Variants in COL4A6 observed in about 807,000 individuals in gnomAD.
COL4A6 encodes the protein collagen type IV alpha 6 chain.
COL4A6 carries 59 observed loss-of-function variants against 126.7 expected under a neutral mutation model. That is an observed-to-expected ratio of 0.47 (90% CI 0.38 to 0.58). COL4A6 has a LOEUF of 0.58. Ranked by LOEUF, COL4A6 falls within the 20% of genes least tolerant of loss-of-function variation. COL4A6 has a pLI of 0.00. For synonymous variants in COL4A6, 547 were observed against 496.6 expected (o/e 1.10, Z -1.35); for missense variants, 1,285 against 1,337.3 (o/e 0.96, Z 0.61).
chrX:108,337,821 C>G (rs2039467399), intron 2 of COL4A6, among the ~76,000 whole-genome samples: 1 of 111,996 alleles, frequency 8.9e-6, no homozygotes, highest in Admixed American at 9.5e-5. Flanking sequence ...CCTAAGGAAA[C>G]AGTTTATTCA....
intron 2 of COL4A6, among the ~76,000 whole-genome samples, chrX:108,318,698 C>G (rs1029116541): frequency 3.6e-5 from 4 of 112,224 alleles, no homozygotes; most frequent in African/African-American, 1.3e-4. Flanking sequence ...AGGAGAACTA[C>G]AAACCACTGC....
chrX:108,295,277 A>C (rs1325964843), intron 3 of COL4A6, among the ~76,000 whole-genome samples: 2 of 111,849 alleles, frequency 1.8e-5, no homozygotes, highest in African/African-American at 6.5e-5. Flanking sequence ...AATGAATTGC[A>C]ACTTCCCCCT....
chrX:108,353,825 A>G (rs1369329144), intron 2 of COL4A6, among the ~76,000 whole-genome samples: 1 of 112,433 alleles, frequency 8.9e-6, no homozygotes, highest in Non-Finnish European at 1.9e-5. Context: ...GATTTTATTC[A>G]ACTGACAAGG....
chrX:108,182,354 C>A (rs908243770), intron 23 of COL4A6, among the ~76,000 whole-genome samples: 1 of 112,170 alleles, frequency 8.9e-6, no homozygotes, highest in African/African-American at 3.2e-5. Context: ...AGAGCTCCTG[C>A]AAGGCCATCC....
At chrX:108,375,702 G>C (rs1220186093) in intron 2 of COL4A6, among the ~76,000 whole-genome samples, 1 of 85,266 alleles carries the variant, frequency 1.2e-5, no homozygotes, top group Non-Finnish European at 2.3e-5. Context: ...TTTTCTATGT[G>C]TCTCTTTCTC....
At chrX:108,394,399 A>G (rs2040916743) in intron 2 of COL4A6, among the ~76,000 whole-genome samples, 1 of 110,757 alleles carries the variant, frequency 9.0e-6, no homozygotes, top group Non-Finnish European at 1.9e-5. Context: ...CATTCTGCAC[A>G]TGTACCCCAG....
At chrX:108,310,510 ACT>A (rs1227768795) in intron 3 of COL4A6, among the ~76,000 whole-genome samples, 1 of 111,731 alleles carries the variant, frequency 9.0e-6, no homozygotes, top group Non-Finnish European at 1.9e-5. Context: ...TCCAGATGAA[ACT>A]CTGAGGAAAC....
intron 8 of COL4A6, among the ~76,000 whole-genome samples, chrX:108,208,328 A>T (rs897325037): frequency 8.9e-6 from 1 of 112,205 alleles, no homozygotes. Context: ...AATATCCATT[A>T]CCTTGACCTA....
intron 2 of COL4A6, among the ~76,000 whole-genome samples, chrX:108,348,704 T>TG (rs1271578227): frequency 1.8e-5 from 2 of 111,451 alleles, no homozygotes; most frequent in East Asian, 2.8e-4. Context: ...ATATATCCTT[T>TG]GGGGGGGAAA....
intron 6 of COL4A6, 40 bp downstream of exon 6, chrX:108,214,071 CA>C: frequency 1.8e-6 from 2 of 1,111,603 alleles, no homozygotes; most frequent in Non-Finnish European, 1.2e-6. Context: ...TAGAGACAAG[CA>C]AAGCCATTTG....
At chrX:108,230,428 G>C (rs184184998) in intron 3 of COL4A6, among the ~76,000 whole-genome samples, 19 of 111,752 alleles carry the variant, frequency 1.7e-4, no homozygotes, top group African/African-American at 5.5e-4. Context: ...CTTTTGAGAA[G>C]GGGGAGCAGA....
intron 2 of COL4A6, among the ~76,000 whole-genome samples, chrX:108,387,349 A>G (rs1032039775): frequency 8.9e-6 from 1 of 112,242 alleles, no homozygotes; most frequent in Non-Finnish European, 1.9e-5. Flanking sequence ...ATCCATGAAC[A>G]TGGAATGTTT....
At chrX:108,164,795 C>T in intron 39 of COL4A6, 82 bp downstream of exon 39, 1 of 1,183,854 alleles carries the variant, frequency 8.4e-7, no homozygotes, top group South Asian at 1.9e-5. Context: ...ACATCAGCCA[C>T]CGGCCTCTCT....
Position 108,206,537 on chromosome X carries a change from G to A in COL4A6, c.590C>T (p.Ala197Val). The stretch of plus-strand genomic sequence containing the variant: ...TCTTACTTGTAATCCTGGTGGTCCT[G>A]CAGGTCCTACAGCTCCAGGAAATCC... ...APGFPGAVGP[A>V]GPPGLQGPPG... Residue 197 changes from alanine to valine, a missense_variant, in exon 9 of 45, where the codon GCA (alanine) becomes GTA (valine). Transcript: ENST00000334504. 1 of 1,210,142 alleles carries A rather than the reference G, an allele frequency of 8.3e-7. No individual in the cohort carries two copies. Among genetic ancestry groups the A allele is most frequent in the Non-Finnish European group, 1.1e-6 (1 of 894,217 alleles).
intron 24 of COL4A6, 124 bp from the exon 25 acceptor site, chrX:108,180,746 C>T (rs2034659456): frequency 5.2e-6 from 4 of 772,090 alleles, no homozygotes; most frequent in Non-Finnish European, 5.8e-6. Context: ...CCCCACACTG[C>T]CCTCTCCAGC....
intron 3 of COL4A6, among the ~76,000 whole-genome samples, chrX:108,264,785 G>A (rs972599822): frequency 1.8e-5 from 2 of 111,576 alleles, no homozygotes; most frequent in Admixed American, 9.5e-5. Flanking sequence ...GCAACAGATC[G>A]TAATTCTAAT....
intron 2 of COL4A6, among the ~76,000 whole-genome samples, chrX:108,320,930 A>G (rs1440907752): frequency 8.9e-6 from 1 of 112,071 alleles, no homozygotes; most frequent in African/African-American, 3.2e-5. Flanking sequence ...ATTTATTTAT[A>G]TCTTCACCTA....
chrX:108,221,347 C>G lies in COL4A6; in HGVS notation c.172G>C (p.Gly58Arg). The G allele has an allele frequency of 2.5e-6, 3 of 1,211,532 alleles. No homozygotes were observed. Among genetic ancestry groups the G allele is most frequent in the Non-Finnish European group, 3.4e-6 (3 of 895,251 alleles). The change falls in exon 4 of 45, where the codon GGC becomes CGC. Residue 58 changes from glycine to arginine, a missense_variant. Gly to Arg is a moderately radical substitution (Grantham distance 125). Coordinates refer to ENST00000334504, the MANE Select transcript of COL4A6 (RefSeq NM_033641.4). Reference protein sequence around the residue: ...RGRPGPIGIQGPTGPQGFTGS... With the variant: ...RGRPGPIGIQRPTGPQGFTGS... ...GTGAATCCTTGAGGACCTGTTGGGC[C>G]TTGAATTCCAATTGGTCCAGGTCGT...
Position 108,283,495 on chromosome X carries a change from C to A in COL4A6, c.144+27253G>T, listed in dbSNP as rs142654096. 1.3e-4 allele frequency among the ~76,000 whole-genome samples: 14 copies of A among 111,669 alleles called. No homozygotes were observed. In the East Asian group the frequency reaches 4.0e-3, roughly 32 times the overall value. On this transcript the variant is annotated intron_variant, in intron 3 of 44. Coordinates refer to ENST00000334504, the MANE Select transcript of COL4A6 (RefSeq NM_033641.4). ...TGTTCAGTAAGTACTTGCTATGTTC[C>A]TGTCAGTTCAAATAATGTTTGCCTT...
Sources: allele counts gnomAD v4.1 joint callset (sites outside exome capture counted in the v4.1 genomes callset), GRCh38; gene constraint gnomAD v4.1.1; transcripts MANE v1.5; gene names NCBI Gene and HGNC (gene_info 2026-07-23, HGNC 2026-07-21).